FER1L6: variants seen among roughly 807,000 people sequenced by gnomAD.
FER1L6 encodes the protein fer-1-like protein 6.
FER1L6 carries 177 observed loss-of-function variants against 219.2 expected under a neutral mutation model. That is an observed-to-expected ratio of 0.81 (90% CI 0.71 to 0.91). The LOEUF is 0.91. FER1L6 is among the 40% of genes least tolerant of loss of function. FER1L6 has a pLI of 0.00. For synonymous variants in FER1L6, 768 were observed against 824.3 expected, an observed-to-expected ratio of 0.93 and a Z score of 1.17; for missense variants, 2,153 against 2,259.9, an observed-to-expected ratio of 0.95 and a Z score of 0.96.
chr8:123,954,776 A>C (rs554152567), intron 1 of FER1L6, among the ~76,000 whole-genome samples: 5 of 152,280 alleles, frequency 3.3e-5, no homozygotes, highest in African/African-American at 9.6e-5. Flanking sequence ...CTAAGTCCTA[A>C]ACATATAAGC....
chr8:124,077,390 A>G (rs952245200), intron 32 of FER1L6, among the ~76,000 whole-genome samples: 1 of 152,088 alleles, frequency 6.6e-6, no homozygotes, highest in East Asian at 1.9e-4. Context: ...TAAAATCTCC[A>G]TTGGCTCCAT....
intron 3 of FER1L6, among the ~76,000 whole-genome samples, chr8:123,964,460 G>A (rs1168230248): frequency 6.6e-6 from 1 of 152,142 alleles, no homozygotes. Flanking sequence ...GTGGGAATTA[G>A]AGAAAGTGAT....
At position 123,852,192 on chromosome 8, in the gene FER1L6, C is replaced by G. The variant is rs1007007521; in HGVS notation, c.-8+7C>G. On this transcript the variant is annotated splice_region_variant and intron_variant, in intron 1 of 40. Transcript: ENST00000522917. This position sits in a 1 kb window ranked among gnomAD's most constrained non-coding sequence, Gnocchi z 4.9. ...AAGGTGGACAAGGCATTTTGTAAGTCCATAGATAATAGATTCTACAGAAGC... is the reference window on the plus strand; with the variant it reads ...AAGGTGGACAAGGCATTTTGTAAGTGCATAGATAATAGATTCTACAGAAGC... 3 of 152,174 alleles carry G rather than the reference C, an allele frequency of 2.0e-5. No individual in the cohort carries two copies. Among genetic ancestry groups the G allele is most frequent in the African/African-American group, 7.2e-5 (3 of 41,416 alleles). The allele number at this position is 152,174 out of a possible 1,614,324, so 9.4% of individuals were successfully genotyped here. A position where few individuals can be genotyped will look rare whatever the true frequency, so the allele number is the denominator to read the frequency against.
intron 13 of FER1L6, among the ~76,000 whole-genome samples, chr8:124,008,967 A>C (rs1234097979): frequency 6.6e-6 from 1 of 152,240 alleles, no homozygotes; most frequent in Non-Finnish European, 1.5e-5. Flanking sequence ...TCAAGACCAC[A>C]ATGCTCAAAA....
intron 32 of FER1L6, among the ~76,000 whole-genome samples, chr8:124,080,913 CCACA>C (rs983164971): frequency 6.6e-6 from 1 of 152,144 alleles, no homozygotes; most frequent in Admixed American, 6.5e-5. Flanking sequence ...GATTTCTTTC[CCACA>C]CAACCATATC....
At chr8:123,900,662 T>C (rs909776004) in intron 1 of FER1L6, among the ~76,000 whole-genome samples, 2 of 152,202 alleles carry the variant, frequency 1.3e-5, no homozygotes, top group South Asian at 2.1e-4. Context: ...TTTAATTACA[T>C]TAACGTATGT....
chr8:124,045,737 C>CTT (rs1563763271), intron 20 of FER1L6, 30 bp from the exon 21 acceptor site: 1 of 1,612,976 alleles, frequency 6.2e-7, no homozygotes, highest in Admixed American at 1.7e-5. Flanking sequence ...ATTGAATGAT[C>CTT]TTTTGCTTTT....
At chr8:123,948,834 A>G (rs1814621666) in intron 1 of FER1L6, among the ~76,000 whole-genome samples, 1 of 151,556 alleles carries the variant, frequency 6.6e-6, no homozygotes, top group East Asian at 1.9e-4. Context: ...GATATGATAT[A>G]TGATATTGGT....
intron 1 of FER1L6, 98 bp from the exon 2 acceptor site, chr8:123,955,894 G>A (rs1157818943): frequency 1.3e-5 from 14 of 1,088,350 alleles, no homozygotes. Context: ...GGAGGCTGGT[G>A]GGCTTCATGA....
chr8:124,006,471 A>G (rs976231718), intron 13 of FER1L6, among the ~76,000 whole-genome samples: 1 of 152,194 alleles, frequency 6.6e-6, no homozygotes, highest in African/African-American at 2.4e-5. Flanking sequence ...GGAAAATTCT[A>G]TGTCTACAAA....
intron 1 of FER1L6, among the ~76,000 whole-genome samples, chr8:123,881,395 T>C (rs1003856002): frequency 6.6e-6 from 1 of 152,226 alleles, no homozygotes; most frequent in African/African-American, 2.4e-5. Context: ...GCACATTTTC[T>C]CTTTGTTTTG....
chr8:124,032,876 G>T (rs751633028), intron 18 of FER1L6, among the ~76,000 whole-genome samples: 1 of 152,206 alleles, frequency 6.6e-6, no homozygotes, highest in African/African-American at 2.4e-5. Flanking sequence ...AGACCAGCAG[G>T]ATTAGCGTCC....
intron 1 of FER1L6, among the ~76,000 whole-genome samples, chr8:123,932,980 C>T (rs4285468): frequency 0.2 from 30,548 of 152,166 alleles, 3,879 homozygotes; most frequent in East Asian, 0.44. Flanking sequence ...GGTTCTGCCA[C>T]TAATGACCTG....
At position 123,902,534 on chromosome 8, in the gene FER1L6, C is replaced by T. The variant is rs560000304; in HGVS notation, c.-8+50349C>T. On this transcript the variant is annotated intron_variant, in intron 1 of 40. Transcript: ENST00000522917. ...TTAGGATTGTGATATTTTCCTGTTG[C>T]ACAAGGCCTTTTACCATCATATACT... Among the ~76,000 whole-genome samples, 39 of 152,254 alleles carry T rather than the reference C, an allele frequency of 2.6e-4. 1 individual carries two copies. The South Asian group carries it at 7.3e-3, about 28-fold the overall frequency.
chr8:123,898,387 C>T (rs1812785041), intron 1 of FER1L6, among the ~76,000 whole-genome samples: 1 of 151,688 alleles, frequency 6.6e-6, no homozygotes, highest in Admixed American at 6.6e-5. Flanking sequence ...CATCCGTCAC[C>T]CAAGCAGTAT....
chr8:124,007,697 A>C (rs16899189), intron 13 of FER1L6, among the ~76,000 whole-genome samples: 5,523 of 152,104 alleles, frequency 0.036, 222 homozygotes, highest in East Asian at 0.11. Context: ...TCCTCTTGCC[A>C]TTTTTAGCCA....
intron 1 of FER1L6, among the ~76,000 whole-genome samples, chr8:123,940,834 C>G (rs1437668247): frequency 6.6e-6 from 1 of 152,168 alleles, no homozygotes; most frequent in African/African-American, 2.4e-5. Context: ...CATCCTTTCT[C>G]TGCTTTGGGA....
intron 12 of FER1L6, among the ~76,000 whole-genome samples, chr8:124,000,709 A>T (rs1202593300): frequency 6.6e-6 from 1 of 152,230 alleles, no homozygotes; most frequent in African/African-American, 2.4e-5. Flanking sequence ...GCTATTATGC[A>T]ACTGGGAAAG....
intron 5 of FER1L6, among the ~76,000 whole-genome samples, chr8:123,967,121 G>T (rs565729749): frequency 2.6e-4 from 40 of 151,696 alleles, no homozygotes; most frequent in African/African-American, 9.4e-4. Context: ...GAAAAAATAT[G>T]GCAAAAGAGA....
Sources: gnomAD v4.1 joint callset for allele counts (sites outside exome capture counted in the v4.1 genomes callset) on GRCh38, gnomAD v4.1.1 for gene constraint, Gnocchi (gnomAD v3.1) non-coding constraint, MANE v1.5 for transcripts, NCBI Gene and HGNC (gene_info 2026-07-23, HGNC 2026-07-21) for gene names.